STX18: variants seen among roughly 807,000 people sequenced by gnomAD.
STX18 encodes syntaxin 18.
A neutral mutation model predicts 50.1 loss-of-function variants in STX18; 40 were observed. The ratio of observed to expected loss-of-function variants is 0.80; its 90% CI spans 0.62 to 1.04. STX18 has a LOEUF of 1.04. Ranked by LOEUF, STX18 falls within the 50% of genes least tolerant of loss-of-function variation. The pLI, the probability that STX18 is intolerant of heterozygous loss-of-function variation, is 0.00. For synonymous variants in STX18, 158 were observed against 151.8 expected (o/e 1.04, Z -0.30); for missense variants, 410 against 415.8 (o/e 0.99, Z 0.12).
intron 5 of STX18, among the ~76,000 whole-genome samples, chr4:4,449,602 T>G (rs555775413): frequency 1.3e-5 from 2 of 152,336 alleles, no homozygotes; most frequent in African/African-American, 4.8e-5. Flanking sequence ...ATCACAAAAG[T>G]GATGCTTTCT....
At chr4:4,451,810 G>A (rs1001469570) in intron 5 of STX18, among the ~76,000 whole-genome samples, 1 of 152,124 alleles carries the variant, frequency 6.6e-6, no homozygotes, top group African/African-American at 2.4e-5. Flanking sequence ...ACAGGCCAAT[G>A]AATAACCCAG....
intron 7 of STX18, among the ~76,000 whole-genome samples, chr4:4,428,200 G>A (rs1725349425): frequency 6.6e-6 from 1 of 152,222 alleles, no homozygotes; most frequent in Non-Finnish European, 1.5e-5. Context: ...GTGGATATGG[G>A]AGCCAGTTCT....
chr4:4,443,069 G>A (rs1015865784), intron 5 of STX18, among the ~76,000 whole-genome samples: 2 of 152,230 alleles, frequency 1.3e-5, no homozygotes, highest in Admixed American at 1.3e-4. Flanking sequence ...TCCGTATATT[G>A]ATGGTGAGAG....
chr4:4,513,246 A>C (rs1196718671), intron 1 of STX18, among the ~76,000 whole-genome samples: 1 of 151,922 alleles, frequency 6.6e-6, no homozygotes, highest in Non-Finnish European at 1.5e-5. Flanking sequence ...AGAGGGGGGG[A>C]CCCTCGTCTG....
At chr4:4,454,018 A>C (rs1726919080) in intron 5 of STX18, among the ~76,000 whole-genome samples, 1 of 152,248 alleles carries the variant, frequency 6.6e-6, no homozygotes, top group Admixed American at 6.5e-5. Flanking sequence ...ACTGCCATTT[A>C]ATCAGTGGTC....
intron 5 of STX18, among the ~76,000 whole-genome samples, chr4:4,445,116 A>G (rs1726320470): frequency 6.6e-6 from 1 of 152,136 alleles, no homozygotes. Context: ...ATTTACAATA[A>G]AAAGGTCACG....
chr4:4,449,785 T>G (rs1049859082), intron 5 of STX18, among the ~76,000 whole-genome samples: 1 of 152,340 alleles, frequency 6.6e-6, no homozygotes, highest in South Asian at 2.1e-4. Flanking sequence ...AATTTATTCA[T>G]TTATTTATTC....
intron 9 of STX18, among the ~76,000 whole-genome samples, chr4:4,421,986 G>T (rs188480403): frequency 2.0e-5 from 3 of 152,088 alleles, no homozygotes; most frequent in Non-Finnish European, 4.4e-5. Flanking sequence ...TCCTCCTTTC[G>T]GTGGTGGTGA....
chr4:4,492,469 T>TTGTAGATTATC (rs1477575591), intron 1 of STX18, among the ~76,000 whole-genome samples: 1 of 152,170 alleles, frequency 6.6e-6, no homozygotes, highest in East Asian at 1.9e-4. Flanking sequence ...CAAACAGTGT[T>TTGTAGATTATC]TGTAGATTAT....
chr4:4,469,004 T>C (rs1388218747), intron 2 of STX18, among the ~76,000 whole-genome samples: 18 of 152,128 alleles, frequency 1.2e-4, no homozygotes, highest in Admixed American at 1.1e-3. Context: ...CTCAAAAACA[T>C]GTGGAGTAAA....
At chr4:4,433,474 G>T (rs906129694) in intron 7 of STX18, among the ~76,000 whole-genome samples, 2 of 146,012 alleles carry the variant, frequency 1.4e-5, no homozygotes, top group Non-Finnish European at 3.0e-5. Context: ...ATTGTCCTAT[G>T]ACCCTGCCAA....
At chr4:4,505,622 AT>A (rs1247508290) in intron 1 of STX18, among the ~76,000 whole-genome samples, 107 of 141,722 alleles carry the variant, frequency 7.5e-4, no homozygotes, top group African/African-American at 2.7e-3. Context: ...TCTGCTAAAA[AT>A]AAAAAAAAAA....
chr4:4,425,270 C>G, intron 7 of STX18, 48 bp from the exon 8 acceptor site: 4 of 1,549,244 alleles, frequency 2.6e-6, no homozygotes, highest in African/African-American at 1.4e-5. Context: ...TGAACTTAGG[C>G]AAGAGTCTAG....
intron 1 of STX18, among the ~76,000 whole-genome samples, chr4:4,536,404 AATGGATAT>A (rs1185937178): frequency 6.6e-6 from 1 of 152,206 alleles, no homozygotes; most frequent in African/African-American, 2.4e-5. Context: ...ACAACAAATA[AATGGATAT>A]ATGATCTGCT....
intron 5 of STX18, among the ~76,000 whole-genome samples, chr4:4,448,015 C>T (rs1325717553): frequency 6.6e-6 from 1 of 152,178 alleles, no homozygotes. Flanking sequence ...TTCTGAATGT[C>T]ACTGTGAAGG....
chr4:4,435,404 A>T (rs543857424), intron 6 of STX18, among the ~76,000 whole-genome samples: 15 of 152,356 alleles, frequency 9.8e-5, no homozygotes, highest in Non-Finnish European at 2.2e-4. Context: ...ATACAAAGAT[A>T]TATGAGTCCC....
At chr4:4,448,861 C>T (rs1726581252) in intron 5 of STX18, among the ~76,000 whole-genome samples, 1 of 152,124 alleles carries the variant, frequency 6.6e-6, no homozygotes, top group Admixed American at 6.5e-5. Flanking sequence ...TCCAACCCAA[C>T]ACCACAGGGT....
At chr4:4,496,654 C>T (rs1729188905) in intron 1 of STX18, among the ~76,000 whole-genome samples, 2 of 152,196 alleles carry the variant, frequency 1.3e-5, no homozygotes, top group Non-Finnish European at 1.5e-5. Flanking sequence ...GCATGTCATT[C>T]TTCAGCCTTG....
At chr4:4,518,466 C>A (rs1178162938) in intron 1 of STX18, among the ~76,000 whole-genome samples, 1 of 152,096 alleles carries the variant, frequency 6.6e-6, no homozygotes, top group African/African-American at 2.4e-5. Flanking sequence ...GTGCAACAAG[C>A]CAATCTAAAT....
Sources: gnomAD v4.1 joint callset for allele counts (sites outside exome capture counted in the v4.1 genomes callset) on GRCh38, gnomAD v4.1.1 for gene constraint, MANE v1.5 for transcripts, NCBI Gene and HGNC (gene_info 2026-07-23, HGNC 2026-07-21) for gene names.